Variants in KCND2 observed in about 807,000 individuals in gnomAD.
KCND2 encodes the protein A-type voltage-gated potassium channel KCND2.
Under a neutral mutation model 54.4 loss-of-function variants are expected in KCND2, and 16 were observed. That is an observed-to-expected ratio of 0.29 (90% CI 0.20 to 0.45). KCND2 has a LOEUF of 0.45. Among genes scored for constraint, KCND2 ranks in the 20% least tolerant of loss-of-function variants. KCND2 has a pLI of 1.00. For missense variants in KCND2, 486 were observed against 824.2 expected, an observed-to-expected ratio of 0.59 and a Z score of 5.02; for synonymous variants, 317 against 310.7, an observed-to-expected ratio of 1.02 and a Z score of -0.21.
intron 1 of KCND2, among the ~76,000 whole-genome samples, chr7:120,483,694 A>G (rs1311337479): frequency 6.6e-6 from 1 of 152,166 alleles, no homozygotes; most frequent in Non-Finnish European, 1.5e-5. Flanking sequence ...AATGTTTTGG[A>G]GATGTTTAAT....
At chr7:120,730,220 C>CGT (rs1252163768) in intron 1 of KCND2, among the ~76,000 whole-genome samples, 1 of 151,292 alleles carries the variant, frequency 6.6e-6, no homozygotes, top group African/African-American at 2.4e-5. Context: ...TTTTAAAAGC[C>CGT]GTGTGTGTGT....
intron 1 of KCND2, among the ~76,000 whole-genome samples, chr7:120,316,395 C>A (rs1445990750): frequency 2.0e-5 from 3 of 152,198 alleles, no homozygotes; most frequent in Admixed American, 2.0e-4. Context: ...TTAACAAGGT[C>A]TTTCCAATTT....
intron 1 of KCND2, among the ~76,000 whole-genome samples, chr7:120,562,740 T>A (rs1041785003): frequency 3.9e-5 from 6 of 152,266 alleles, no homozygotes; most frequent in Middle Eastern, 6.8e-3. Context: ...ACCCTAAGAT[T>A]AATTCCATAA....
In KCND2 at chr7:120,294,615, A is replaced by T. The variant is rs531294807; in HGVS notation, c.1115+18868A>T. Reference sequence around the variant, plus strand: ...AGAGAACATACATATAGGTTCTACCAAGCACCTTAGAATGGTTTCAGAATT... The same window carrying T: ...AGAGAACATACATATAGGTTCTACCTAGCACCTTAGAATGGTTTCAGAATT... On this transcript the variant is annotated intron_variant, in intron 1 of 5. Transcript: ENST00000331113. 2.0e-4 allele frequency among the ~76,000 whole-genome samples: 30 copies of T among 152,004 alleles called. No homozygotes were observed. The South Asian group carries it at 3.1e-3, about 16-fold the overall frequency.
intron 1 of KCND2, among the ~76,000 whole-genome samples, chr7:120,443,656 G>T (rs1320016037): frequency 6.6e-6 from 1 of 151,636 alleles, no homozygotes; most frequent in Non-Finnish European, 1.5e-5. Context: ...TACTTTCAAA[G>T]ACTTCTCATT....
At chr7:120,602,206 T>A (rs1272916880) in intron 1 of KCND2, among the ~76,000 whole-genome samples, 4 of 152,362 alleles carry the variant, frequency 2.6e-5, no homozygotes, top group African/African-American at 9.6e-5. Flanking sequence ...TTTCCTCATT[T>A]TAGAGAATTC....
At chr7:120,620,227 A>G (rs980410643) in intron 1 of KCND2, among the ~76,000 whole-genome samples, 15 of 152,042 alleles carry the variant, frequency 9.9e-5, no homozygotes, top group Non-Finnish European at 2.9e-5. Flanking sequence ...AAAAATTGAC[A>G]GAATTCCAAC....
At chr7:120,372,299 C>CA (rs1800775833) in intron 1 of KCND2, among the ~76,000 whole-genome samples, 1 of 151,724 alleles carries the variant, frequency 6.6e-6, no homozygotes, top group East Asian at 1.9e-4. Flanking sequence ...CATTCCTCGA[C>CA]ACTGCTCCAC....
intron 1 of KCND2, among the ~76,000 whole-genome samples, chr7:120,427,847 T>C (rs1403925826): frequency 6.6e-6 from 1 of 152,174 alleles, no homozygotes; most frequent in Non-Finnish European, 1.5e-5. Context: ...TTTTCATCTT[T>C]GACATTTATG....
In KCND2 at chr7:120,382,543, G is replaced by T. The variant is rs537680127; in HGVS notation, c.1115+106796G>T. Among the ~76,000 whole-genome samples, 9 of 151,860 alleles carry T rather than the reference G, an allele frequency of 5.9e-5. No individual in the cohort carries two copies. The South Asian group carries it at 1.9e-3, about 31-fold the overall frequency. On this transcript the variant is annotated intron_variant, in intron 1 of 5. Transcript: ENST00000331113. ...GTTGATAAAATTTTACTTTAGAGCA[G>T]AACAGGATGTCTGCTGTATTACTCT... is the stretch of plus-strand genomic sequence containing the variant.
At position 120,397,993 on chromosome 7, in the gene KCND2, G is replaced by GTA. The variant is rs1270652807; in HGVS notation, c.1115+122247_1115+122248insAT. ...TATAAGTGTGTGTGTGTGTGTGTGT[G>GTA]TGTATATATATATATATATATATAT... On this transcript the variant is annotated intron_variant, in intron 1 of 5. Coordinates refer to ENST00000331113, the MANE Select transcript of KCND2 (RefSeq NM_012281.3). Among the ~76,000 whole-genome samples the GTA allele has an allele frequency of 4.7e-3, 187 of 39,882 alleles. 1 individual carries two copies. Among genetic ancestry groups the GTA allele is most frequent in the African/African-American group, 8.9e-3 (178 of 19,966 alleles). The allele number at this position is 39,882 out of a possible 152,430, so 26.2% of individuals were successfully genotyped here. A position where few individuals can be genotyped will look rare whatever the true frequency, so the allele number is the denominator to read the frequency against.
intron 1 of KCND2, among the ~76,000 whole-genome samples, chr7:120,532,888 T>C (rs1413144944): frequency 6.6e-6 from 1 of 152,036 alleles, no homozygotes; most frequent in East Asian, 1.9e-4. Context: ...CGCTATGTAG[T>C]CATAATGTCT....
chr7:120,440,316 G>C (rs775814788), intron 1 of KCND2, among the ~76,000 whole-genome samples: 18 of 151,752 alleles, frequency 1.2e-4, no homozygotes, highest in Non-Finnish European at 2.1e-4. Flanking sequence ...CATATATTTT[G>C]CTTTTTAAAA....
At chr7:120,417,618 A>C (rs895636262) in intron 1 of KCND2, among the ~76,000 whole-genome samples, 3 of 152,242 alleles carry the variant, frequency 2.0e-5, no homozygotes, top group Non-Finnish European at 4.4e-5. Context: ...AGCAAGTATA[A>C]ATTTTTTGGA....
At chr7:120,445,590 T>G (rs1584781908) in intron 1 of KCND2, among the ~76,000 whole-genome samples, 1 of 152,152 alleles carries the variant, frequency 6.6e-6, no homozygotes, top group Admixed American at 6.6e-5. Flanking sequence ...TTTAAAACAC[T>G]TTTAAGACTG....
chr7:120,622,035 T>A (rs575192630), intron 1 of KCND2, among the ~76,000 whole-genome samples: 2 of 152,074 alleles, frequency 1.3e-5, no homozygotes, highest in Non-Finnish European at 2.9e-5. Flanking sequence ...CTTTTCTTTT[T>A]TCTTTAATTC....
At chr7:120,363,426 C>T (rs1458828955) in intron 1 of KCND2, among the ~76,000 whole-genome samples, 1 of 152,016 alleles carries the variant, frequency 6.6e-6, no homozygotes, top group Non-Finnish European at 1.5e-5. Flanking sequence ...GAATAGAAAC[C>T]CTATCCTTCC....
chr7:120,578,916 T>TCACACACACACA lies in KCND2; in HGVS notation c.1116-153973_1116-153962dup, dbSNP rs111758455. Among the ~76,000 whole-genome samples, 594 of 146,832 alleles carry TCACACACACACA rather than the reference T, an allele frequency of 4.0e-3. 4 individuals are homozygous for TCACACACACACA. The highest frequency in any genetic ancestry group is 0.011 in the African/African-American group (421 of 39,788). ...CTGGGTGACAGAGCAAGACCCTGTC[T>TCACACACACACA]CACACACACACACACACACACACAC... On this transcript the variant is annotated intron_variant, in intron 1 of 5. Coordinates refer to ENST00000331113, the MANE Select transcript of KCND2 (RefSeq NM_012281.3).
intron 1 of KCND2, among the ~76,000 whole-genome samples, chr7:120,595,312 G>A (rs909673106): frequency 3.3e-5 from 5 of 151,010 alleles, no homozygotes; most frequent in East Asian, 3.9e-4. Context: ...TTAGCCAGGC[G>A]TGGTGGCACA....
Sources: allele counts gnomAD v4.1 joint callset (sites outside exome capture counted in the v4.1 genomes callset), GRCh38; gene constraint gnomAD v4.1.1; transcripts MANE v1.5; gene names NCBI Gene and HGNC (gene_info 2026-07-23, HGNC 2026-07-21).